The following FHIP1A variants were observed in gnomAD, a reference collection of about 807,000 sequenced individuals.
The protein encoded by FHIP1A is FHF complex subunit HOOK interacting protein 1A.
Under a neutral mutation model 88.6 loss-of-function variants are expected in FHIP1A, and 61 were observed. The ratio of observed to expected loss-of-function variants is 0.69; its 90% CI spans 0.56 to 0.85. The LOEUF (loss-of-function observed/expected upper bound fraction) is 0.85, where lower values mean the gene tolerates loss of function less well. Ranked by LOEUF, FHIP1A falls within the 40% of genes least tolerant of loss-of-function variation. FHIP1A has a pLI of 0.00. For missense variants in FHIP1A, 1,154 were observed against 1,273.5 expected (o/e 0.91, Z 1.43); for synonymous variants, 478 against 496.0 (o/e 0.96, Z 0.48).
rs1179310672 is a variant in FHIP1A, at chr4:151,581,903, G to C, written c.732+3827G>C. Among the ~76,000 whole-genome samples the C allele has an allele frequency of 2.0e-5, 3 of 152,170 alleles. No individual in the cohort carries two copies. The East Asian group carries it at 5.8e-4, about 29-fold the overall frequency. ...TTGATAGGAAGAGCTTGCTGGTTCT[G>C]CTGCCTCATAGCTCAAGATGTGCTT... On this transcript the variant is annotated intron_variant, in intron 5 of 13. Transcript: ENST00000435205.
chr4:151,524,295 CTG>C, intron 3 of FHIP1A, among the ~76,000 whole-genome samples: 2 of 125,806 alleles, frequency 1.6e-5, no homozygotes, highest in Middle Eastern at 3.8e-3. Context: ...GAGTGAGAAT[CTG>C]TCTCAAAAAA....
At chr4:151,618,050 C>T (rs182868476) in intron 7 of FHIP1A, among the ~76,000 whole-genome samples, 12 of 152,202 alleles carry the variant, frequency 7.9e-5, no homozygotes, top group African/African-American at 2.9e-4. Flanking sequence ...TGAGCTTTAT[C>T]TGCCAATTGC....
At chr4:151,527,704 A>G (rs1177110878) in intron 3 of FHIP1A, among the ~76,000 whole-genome samples, 1 of 152,214 alleles carries the variant, frequency 6.6e-6, no homozygotes, top group Non-Finnish European at 1.5e-5. Context: ...CTGATAATTA[A>G]AAGGTGAATT....
chr4:151,426,228 T>A (rs969624333), intron 1 of FHIP1A, among the ~76,000 whole-genome samples: 4 of 152,154 alleles, frequency 2.6e-5, no homozygotes, highest in African/African-American at 9.7e-5. Flanking sequence ...TGTATATGTT[T>A]GAAAATTTCC....
Position 151,646,641 on chromosome 4 carries a change from A to C in FHIP1A, c.1310A>C (p.Lys437Thr). The change falls in exon 10 of 14, where the codon AAG becomes ACG. Residue 437 changes from lysine to threonine, a missense_variant. Transcript: ENST00000435205. ...ERDCYSVSAAKLLALTPVCCS... is the reference protein window; with the variant it reads ...ERDCYSVSAATLLALTPVCCS... The stretch of plus-strand genomic sequence containing the variant: ...GACTGTTACTCTGTTTCTGCGGCCA[A>C]GCTTCTCGCCTTGACTCCTGTCTGC... 1 of 1,551,620 alleles carries C rather than the reference A, an allele frequency of 6.4e-7. No homozygotes were observed. The highest frequency in any genetic ancestry group is 8.7e-7 in the Non-Finnish European group (1 of 1,146,934).
intron 3 of FHIP1A, among the ~76,000 whole-genome samples, chr4:151,522,314 G>A (rs1378763353): frequency 6.6e-6 from 1 of 152,190 alleles, no homozygotes; most frequent in Non-Finnish European, 1.5e-5. Flanking sequence ...GATTCAGCTC[G>A]TGAAATAGAA....
chr4:151,422,740 G>C (rs1271745808), intron 1 of FHIP1A, among the ~76,000 whole-genome samples: 5 of 152,078 alleles, frequency 3.3e-5, no homozygotes, highest in Admixed American at 3.3e-4. Flanking sequence ...AAAACTGGTT[G>C]CCCCAAAGTT....
chr4:151,494,803 C>T (rs1730402632), intron 3 of FHIP1A, among the ~76,000 whole-genome samples: 1 of 152,204 alleles, frequency 6.6e-6, no homozygotes. Context: ...TCTCCATGAG[C>T]ATGGAATGTT....
chr4:151,630,992 C>T (rs1432165581), intron 8 of FHIP1A, among the ~76,000 whole-genome samples: 1 of 151,996 alleles, frequency 6.6e-6, no homozygotes, highest in African/African-American at 2.4e-5. Flanking sequence ...ACTTATGAGA[C>T]ACAGTGAAAG....
chr4:151,654,366 C>G (rs998695339), intron 11 of FHIP1A, among the ~76,000 whole-genome samples: 3 of 151,946 alleles, frequency 2.0e-5, no homozygotes, highest in African/African-American at 7.3e-5. Flanking sequence ...TGTGGATGGT[C>G]CCCCCTGGTC....
chr4:151,633,315 G>A (rs1736226447), intron 8 of FHIP1A, among the ~76,000 whole-genome samples: 1 of 151,788 alleles, frequency 6.6e-6, no homozygotes, highest in Admixed American at 6.6e-5. Context: ...AAACTGTAAT[G>A]ATAATTGAAA....
At chr4:151,629,008 G>A (rs1264646841) in intron 7 of FHIP1A, among the ~76,000 whole-genome samples, 1 of 152,118 alleles carries the variant, frequency 6.6e-6, no homozygotes, top group Non-Finnish European at 1.5e-5. Flanking sequence ...ACATTTTACT[G>A]CATGAGAAAA....
At chr4:151,525,839 A>G (rs1731610757) in intron 3 of FHIP1A, among the ~76,000 whole-genome samples, 1 of 148,546 alleles carries the variant, frequency 6.7e-6, no homozygotes, top group African/African-American at 2.5e-5. Context: ...ACAATATTGG[A>G]GGGAAGGTCA....
Position 151,577,686 on chromosome 4 carries a change from T to G in FHIP1A, c.342T>G (p.Thr114=), listed in dbSNP as rs916242235. Residue 114 remains threonine (T), a synonymous_variant, in exon 5 of 14, where the codon ACT becomes ACG. Transcript: ENST00000435205. The part of the protein sequence containing the change: ...WSLRREFTDE[T]KIEQLKMYEM... Reference sequence around the variant, plus strand: ...TGAGAAGGGAGTTTACTGATGAGACTAAAATTGAGCAGCTAAAGATGTATG... The same window carrying G: ...TGAGAAGGGAGTTTACTGATGAGACGAAAATTGAGCAGCTAAAGATGTATG... The G allele has an allele frequency of 1.2e-5, 19 of 1,551,616 alleles. No homozygotes were observed. The highest frequency in any genetic ancestry group is 1.6e-5 in the Non-Finnish European group (18 of 1,146,966).
In FHIP1A at chr4:151,545,369, CTTTTTTTTTTTTT is replaced by C. The variant is rs569126288; in HGVS notation, c.-122-20755_-122-20743del. 8.7e-3 allele frequency among the ~76,000 whole-genome samples: 711 copies of C among 81,732 alleles called. 12 individuals are homozygous for C. The highest frequency in any genetic ancestry group is 0.035 in the African/African-American group (691 of 19,700). 53.6% of individuals were successfully genotyped at this position (81,732 alleles called of 152,430 possible). A position where few individuals can be genotyped will look rare whatever the true frequency, so the allele number is the denominator to read the frequency against. Reference sequence around the variant, plus strand: ...CAAGGCAAAATATTTCCTTATCCTTCTTTTTTTTTTTTTTTTTTTTTTTTTTGAGACAGAGTCT... The same window carrying C: ...CAAGGCAAAATATTTCCTTATCCTTCTTTTTTTTTTTTTGAGACAGAGTCT... On this transcript the variant is annotated intron_variant, in intron 3 of 13. Transcript: ENST00000435205.
chr4:151,646,590 G>C lies in FHIP1A; in HGVS notation c.1259G>C (p.Ser420Thr), dbSNP rs1470968070. Reference protein sequence around the residue: ...YLIPCNHMMLSQRWAVKERDC... With the variant: ...YLIPCNHMMLTQRWAVKERDC... ...ATCCCCTGCAATCACATGATGCTGA[G>C]TCAGAGGTGGGCTGTGAAGGAGAGA... is the stretch of plus-strand genomic sequence containing the variant. The change falls in exon 10 of 14, where the codon AGT (serine) becomes ACT (threonine). Residue 420 changes from serine (S) to threonine (T), a missense_variant. Physicochemically the swap from Ser to Thr is moderately conservative, Grantham distance 58. Coordinates refer to ENST00000435205, the MANE Select transcript of FHIP1A (RefSeq NM_001109977.3). 40 of 1,551,474 alleles carry C rather than the reference G, an allele frequency of 2.6e-5. No homozygotes were observed. The highest frequency in any genetic ancestry group is 3.3e-5 in the Non-Finnish European group (38 of 1,146,934).
At chr4:151,518,925 A>G (rs1307303975) in intron 3 of FHIP1A, among the ~76,000 whole-genome samples, 1 of 152,068 alleles carries the variant, frequency 6.6e-6, no homozygotes, top group Non-Finnish European at 1.5e-5. Flanking sequence ...CCTGGCCTCC[A>G]GTTCTCCCAC....
intron 1 of FHIP1A, among the ~76,000 whole-genome samples, chr4:151,427,873 C>G (rs561664352): frequency 1.3e-4 from 20 of 152,156 alleles, no homozygotes; most frequent in Admixed American, 8.5e-4. Context: ...CATTGCAAGC[C>G]TCTTGGGCAT....
chr4:151,651,710 G>A (rs1737037255), intron 11 of FHIP1A, among the ~76,000 whole-genome samples: 1 of 152,180 alleles, frequency 6.6e-6, no homozygotes. Flanking sequence ...ATTGCCTTCT[G>A]GTCCAGCCAG....
Sources: allele counts gnomAD v4.1 joint callset (sites outside exome capture counted in the v4.1 genomes callset), GRCh38; gene constraint gnomAD v4.1.1; transcripts MANE v1.5; gene names NCBI Gene and HGNC (gene_info 2026-07-23, HGNC 2026-07-21).